ZNF331: variants seen among roughly 807,000 people sequenced by gnomAD.
The protein encoded by ZNF331 is C2H2-like zinc finger protein rearranged in thyroid adenomas.
Under a neutral mutation model 7.0 loss-of-function variants are expected in ZNF331, and 2 were observed. The ratio of observed to expected loss-of-function variants is 0.29; its 90% CI spans 0.12 to 0.90. The LOEUF is 0.90. Among genes scored for constraint, ZNF331 ranks in the 40% least tolerant of loss-of-function variants. ZNF331 has a pLI of 0.58. For missense variants in ZNF331, 432 were observed against 587.7 expected (o/e 0.74, Z 2.74); for synonymous variants, 196 against 205.4 (o/e 0.95, Z 0.39).
rs562629274 is a variant in ZNF331 at position 53,556,161 on chromosome 19, G to T, written c.-74+253G>T. 1.7e-3 allele frequency among the ~76,000 whole-genome samples: 261 copies of T among 150,970 alleles called. 1 individual carries two copies. Among genetic ancestry groups the T allele is most frequent in the African/African-American group, 5.8e-3 (238 of 41,150 alleles). On this transcript the variant is annotated intron_variant, in intron 3 of 5. Coordinates refer to ENST00000449416, the MANE Select transcript of ZNF331 (RefSeq NM_001079906.2). ...GGGAGGCTGAGGCAGGAGAATGGCG[G>T]GAACCCGGGAGGCGGAGCTTGCAGT...
At chr19:53,514,966 A>C (rs1233626271), upstream of ZNF331, among the ~76,000 whole-genome samples, 1 of 152,106 alleles carries the variant, frequency 6.6e-6, no homozygotes, top group Non-Finnish European at 1.5e-5. Flanking sequence ...TCTCCTTGCC[A>C]AGTTAATTAA....
the ZNF331 span, among the ~76,000 whole-genome samples, chr19:53,506,372 C>G: frequency 6.7e-6 from 1 of 150,290 alleles, no homozygotes; most frequent in African/African-American, 2.5e-5. Context: ...CACACCTCCC[C>G]CATTGTCCTG....
In ZNF331 at chr19:53,539,044, G is replaced by A. The variant is rs777409956; in HGVS notation, c.-204-172G>A. Reference sequence around the variant, plus strand: ...AGGAGTAGAATTCCTCCTGTAGAGGGACAGGTCCCTGATGTGGGAGACAGG... The same window carrying A: ...AGGAGTAGAATTCCTCCTGTAGAGGAACAGGTCCCTGATGTGGGAGACAGG... On this transcript the variant is annotated intron_variant, in intron 1 of 5. Transcript: ENST00000449416. The surrounding 1 kb of genome is among the most constrained non-coding windows in gnomAD (Gnocchi z 6.1). 6.6e-6 allele frequency: 1 copy of A among 152,238 alleles called. No individual in the cohort carries two copies. The highest frequency in any genetic ancestry group is 1.5e-5 in the Non-Finnish European group (1 of 68,070). The allele number at this position is 152,238 out of a possible 1,614,324, so 9.4% of individuals were successfully genotyped here.
chr19:53,518,471 C>A (rs780566487), upstream of ZNF331, among the ~76,000 whole-genome samples: 6 of 152,108 alleles, frequency 3.9e-5, no homozygotes, highest in Non-Finnish European at 5.9e-5. Flanking sequence ...TAATAAACTT[C>A]CTTTCCTATA....
In ZNF331 at chr19:53,577,575, G is replaced by A; in HGVS notation, c.1015G>A (p.Gly339Ser). The change falls in exon 6 of 6, where the codon GGT becomes AGT. Residue 339 changes from glycine (G) to serine (S), a missense_variant. Coordinates refer to ENST00000449416, the MANE Select transcript of ZNF331 (RefSeq NM_001079906.2). ...GGAGTGTGGGAAGGCCTTTCGCTGG[G>A]GTTCGAGCCTCGTTAAGCACGAGAG... ...CKECGKAFRW[G>S]SSLVKHERIH... 2.5e-6 allele frequency: 4 copies of A among 1,613,158 alleles called. No homozygotes were observed. The highest frequency in any genetic ancestry group is 2.5e-6 in the Non-Finnish European group (3 of 1,179,760).
chr19:53,528,221 T>A (rs1352416922), intron 2 of ZNF331, among the ~76,000 whole-genome samples: 1 of 152,230 alleles, frequency 6.6e-6, no homozygotes, highest in African/African-American at 2.4e-5. Flanking sequence ...TGTCTTAGAA[T>A]CGTTTTTGCT....
At position 53,577,969 on chromosome 19, in the gene ZNF331, AG is replaced by A. The variant is rs2090798744; in HGVS notation, c.*18del. 3 of 1,597,360 alleles carry A rather than the reference AG, an allele frequency of 1.9e-6. No homozygotes were observed. Among genetic ancestry groups the A allele is most frequent in the Non-Finnish European group, 2.6e-6 (3 of 1,169,204 alleles). ...AACAGTTGAAGAGCCTTTTGAACGC[AG>A]TAGCCCGCTCGTATCTATGGTTTCG... On this transcript the variant is annotated 3_prime_UTR_variant, in exon 6 of 6. Coordinates refer to ENST00000449416, the MANE Select transcript of ZNF331 (RefSeq NM_001079906.2).
chr19:53,568,780 C>T (rs2090291322), intron 3 of ZNF331, among the ~76,000 whole-genome samples: 1 of 150,830 alleles, frequency 6.6e-6, no homozygotes, highest in African/African-American at 2.4e-5. Flanking sequence ...GTAAAGCCTC[C>T]TCTGCTGTGT....
In ZNF331 at chr19:53,576,706, C is replaced by A; in HGVS notation, c.146C>A (p.Ser49Ter). The A allele has an allele frequency of 6.2e-7, 1 of 1,602,154 alleles. No homozygotes were observed. Among genetic ancestry groups the A allele is most frequent in the South Asian group, 1.1e-5 (1 of 88,926 alleles). The change falls in exon 6 of 6, where the codon TCA becomes TAA. Residue 49 changes from serine to a stop codon, truncating the protein, a stop_gained. Transcript: ENST00000449416. LOFTEE classifies it low-confidence loss of function (END_TRUNC). The stretch of plus-strand genomic sequence containing the variant: ...TGTTCTTTTTTCCCAGATTTGGAGT[C>A]AGCATATGAAAATAAGAGTTTACCT... ...YSNLVSLDLE[S>*]AYENKSLPTE...
Position 53,579,446 on chromosome 19 carries a change from TA to T in ZNF331, c.*1496del. On this transcript the variant is annotated 3_prime_UTR_variant, in exon 6 of 6. Transcript: ENST00000449416. ...AGACACTATGTGCATTATTTGTACA[TA>T]AGGATAATCACATCTACCTGAGACT... 1 of 183,480 alleles carries T rather than the reference TA, an allele frequency of 5.5e-6. No individual in the cohort carries two copies. Among genetic ancestry groups the T allele is most frequent in the Non-Finnish European group, 1.1e-5 (1 of 87,224 alleles). 11.4% of individuals were successfully genotyped at this position (183,480 alleles called of 1,614,324 possible).
At chr19:53,544,089 T>A (rs931179815) in intron 2 of ZNF331, among the ~76,000 whole-genome samples, 1 of 150,836 alleles carries the variant, frequency 6.6e-6, no homozygotes, top group Non-Finnish European at 1.5e-5. Context: ...TGGCTGGGCG[T>A]GGTGGCATGC....
intron 3 of ZNF331, among the ~76,000 whole-genome samples, chr19:53,559,685 CACAT>C (rs143875584): frequency 0.1 from 15,155 of 150,086 alleles, 1,065 homozygotes; most frequent in African/African-American, 0.21. Context: ...AAACCATACA[CACAT>C]ATACACACCC....
At chr19:53,561,688 C>T (rs1686469707) in intron 3 of ZNF331, among the ~76,000 whole-genome samples, 1 of 152,024 alleles carries the variant, frequency 6.6e-6, no homozygotes, top group South Asian at 2.1e-4. Flanking sequence ...CCTCATCTCT[C>T]CAAAAATTTA....
chr19:53,537,670 G>C (rs1240314645), upstream of ZNF331: 1 of 152,328 alleles, frequency 6.6e-6, no homozygotes, highest in Admixed American at 6.5e-5. Context: ...GGAACACGGG[G>C]CTTGGGGCTC....
chr19:53,506,382 G>T, the ZNF331 span, among the ~76,000 whole-genome samples: 1 of 125,604 alleles, frequency 8.0e-6, no homozygotes, highest in Non-Finnish European at 1.7e-5. Flanking sequence ...CCATTGTCCT[G>T]GCCCCTACCA....
upstream of ZNF331, among the ~76,000 whole-genome samples, chr19:53,535,801 C>CTTTT (rs558002929): frequency 7.0e-6 from 1 of 143,424 alleles, no homozygotes; most frequent in Non-Finnish European, 1.5e-5. Context: ...AAAATGTTCA[C>CTTTT]TTTTTTTTTT....
At chr19:53,512,297 A>G in the ZNF331 span, 2 of 153,366 alleles carry the variant, frequency 1.3e-5, no homozygotes, top group South Asian at 3.6e-4. Flanking sequence ...GGTCTGCACC[A>G]TGGTGCACAG....
chr19:53,533,694 A>G (rs566228861), upstream of ZNF331, among the ~76,000 whole-genome samples: 1 of 152,320 alleles, frequency 6.6e-6, no homozygotes, highest in Admixed American at 6.5e-5. Context: ...CATATGTACA[A>G]TTGATACATC....
intron 5 of ZNF331, among the ~76,000 whole-genome samples, chr19:53,574,682 C>A (rs932665761): frequency 6.6e-6 from 1 of 152,246 alleles, no homozygotes; most frequent in Non-Finnish European, 1.5e-5. Context: ...TGTGTCACCA[C>A]CATGAAGCAC....
Sources: gnomAD v4.1 joint callset for allele counts (sites outside exome capture counted in the v4.1 genomes callset) on GRCh38, gnomAD v4.1.1 for gene constraint, Gnocchi (gnomAD v3.1) non-coding constraint, MANE v1.5 for transcripts, NCBI Gene and HGNC (gene_info 2026-07-23, HGNC 2026-07-21) for gene names.